The following PLD1 variants were observed in gnomAD, a reference collection of about 807,000 sequenced individuals.
PLD1 encodes the protein phospholipase D1.
In PLD1, 112 loss-of-function variants were observed where a neutral mutation model predicts 137.1. The ratio of observed to expected loss-of-function variants is 0.82; its 90% confidence interval spans 0.70 to 0.96. The LOEUF (loss-of-function observed/expected upper bound fraction) is 0.96. Among genes scored for constraint, PLD1 ranks in the 40% least tolerant of loss-of-function variants. PLD1 has a pLI of 0.00. For missense variants in PLD1, 1,321 were observed against 1,342.0 expected (o/e 0.98, Z 0.24); for synonymous variants, 431 against 454.7 (o/e 0.95, Z 0.66).
rs1347251100 is a variant in PLD1, at chr3:171,810,443, C to T, written c.-76G>A. ...CTAGCACCTGCGCGTTGGCGGCGGA[C>T]TCTCAGGGCTCGGGTGCCTCTGGCA... On this transcript the variant is annotated 5_prime_UTR_variant, in exon 1 of 27. Coordinates refer to ENST00000351298, the MANE Select transcript of PLD1 (RefSeq NM_002662.5). 2.6e-5 allele frequency: 4 copies of T among 152,246 alleles called. No homozygotes were observed. Among genetic ancestry groups the T allele is most frequent in the Non-Finnish European group, 5.9e-5 (4 of 68,082 alleles). 9.4% of individuals were successfully genotyped at this position (152,246 alleles called of 1,614,324 possible).
At chr3:171,710,403 T>C (rs549218410) in intron 9 of PLD1, among the ~76,000 whole-genome samples, 2 of 152,138 alleles carry the variant, frequency 1.3e-5, no homozygotes, top group Non-Finnish European at 2.9e-5. Flanking sequence ...CCACGGATGA[T>C]GGGGAGTAGT....
rs370348297 is a variant in PLD1 at position 171,649,110 on chromosome 3, CT to C, written c.2430-4088del. 6.0e-3 allele frequency among the ~76,000 whole-genome samples: 910 copies of C among 151,032 alleles called. 5 individuals are homozygous for C. The highest frequency in any genetic ancestry group is 0.021 in the African/African-American group (859 of 41,224). Reference sequence around the variant, plus strand: ...TTTGTAAGAGACAGTTCTATTTTATCTTTTTTTTTAAGCAAAAATGATTTTA... The same window carrying C: ...TTTGTAAGAGACAGTTCTATTTTATCTTTTTTTTAAGCAAAAATGATTTTA... On this transcript the variant is annotated intron_variant, in intron 21 of 26. Transcript: ENST00000351298.
At chr3:171,648,711 C>T (rs1370832867) in intron 21 of PLD1, among the ~76,000 whole-genome samples, 2 of 152,228 alleles carry the variant, frequency 1.3e-5, no homozygotes, top group African/African-American at 2.4e-5. Context: ...TCTGCCACCA[C>T]GCCCGGCTAA....
Position 171,702,323 on chromosome 3 carries a change from G to A in PLD1, c.1146-2497C>T, listed in dbSNP as rs987943835. Among the ~76,000 whole-genome samples, 5 of 151,828 alleles carry A rather than the reference G, an allele frequency of 3.3e-5. No individual in the cohort carries two copies. In the East Asian group the frequency reaches 7.8e-4, roughly 24 times the overall value. On this transcript the variant is annotated intron_variant, in intron 11 of 26. Transcript: ENST00000351298. ...CAACATAGCAAGACCCTGTCTCTACGAAAAAATTTAAAAAATTAGCCAGAC... is the reference window on the plus strand; with the variant it reads ...CAACATAGCAAGACCCTGTCTCTACAAAAAAATTTAAAAAATTAGCCAGAC...
intron 1 of PLD1, among the ~76,000 whole-genome samples, chr3:171,756,300 C>T (rs1721025289): frequency 6.6e-6 from 1 of 152,168 alleles, no homozygotes; most frequent in Admixed American, 6.5e-5. Context: ...GGATAAGTAA[C>T]ATCACTTTTA....
intron 21 of PLD1, among the ~76,000 whole-genome samples, chr3:171,647,818 C>G (rs1308974067): frequency 1.3e-5 from 2 of 152,124 alleles, no homozygotes; most frequent in Admixed American, 6.5e-5. Flanking sequence ...ATGATCTATT[C>G]CCAAACCTTT....
At chr3:171,805,146 T>C (rs890525097) in intron 1 of PLD1, among the ~76,000 whole-genome samples, 1 of 152,222 alleles carries the variant, frequency 6.6e-6, no homozygotes, top group East Asian at 1.9e-4. Context: ...TAAACTAAGT[T>C]ATTTTTATTT....
chr3:171,724,282 C>G (rs1234767695), intron 8 of PLD1, among the ~76,000 whole-genome samples: 1 of 152,190 alleles, frequency 6.6e-6, no homozygotes, highest in African/African-American at 2.4e-5. Flanking sequence ...AGAAAATATT[C>G]TAGTTTCTCT....
chr3:171,731,523 T>G (rs1718945568), intron 6 of PLD1, among the ~76,000 whole-genome samples: 1 of 152,158 alleles, frequency 6.6e-6, no homozygotes, highest in South Asian at 2.1e-4. Context: ...GGCTCACGCC[T>G]GTAATCTCAG....
At chr3:171,605,090 T>C (rs575630831) in intron 26 of PLD1, among the ~76,000 whole-genome samples, 1 of 152,374 alleles carries the variant, frequency 6.6e-6, no homozygotes, top group East Asian at 1.9e-4. Context: ...GGAATGCTGC[T>C]AAAGCCTCTT....
At chr3:171,645,880 T>A (rs564209556) in intron 21 of PLD1, among the ~76,000 whole-genome samples, 3 of 98,890 alleles carry the variant, frequency 3.0e-5, no homozygotes, top group East Asian at 5.7e-4. Context: ...CGAGACTCCA[T>A]CTCAAAAAAA....
intron 9 of PLD1, 35 bp downstream of exon 9, chr3:171,713,858 T>C (rs550124456): frequency 1.9e-6 from 3 of 1,559,800 alleles, no homozygotes; most frequent in Non-Finnish European, 2.6e-6. Flanking sequence ...AAGGCATTTT[T>C]GTAGAAATCT....
In PLD1 at chr3:171,708,723, C is replaced by T. The variant is rs375176281; in HGVS notation, c.1145+32G>A. On this transcript the variant is annotated intron_variant, in intron 11 of 26. Coordinates refer to ENST00000351298, the MANE Select transcript of PLD1 (RefSeq NM_002662.5). ...TGTACATTTCTAAACATAGAGACTT[C>T]CAGAAAAAAATTCCCAGGGACAAAT... The T allele has an allele frequency of 4.0e-5, 47 of 1,168,598 alleles. No individual in the cohort carries two copies. In the African/African-American group the frequency reaches 6.9e-4, roughly 17 times the overall value. The allele number at this position is 1,168,598 out of a possible 1,614,324, so 72.4% of individuals were successfully genotyped here. A position where few individuals can be genotyped will look rare whatever the true frequency, so the allele number is the denominator to read the frequency against.
chr3:171,633,562 C>T (rs1218730460), intron 23 of PLD1, among the ~76,000 whole-genome samples: 1 of 152,058 alleles, frequency 6.6e-6, no homozygotes, highest in Admixed American at 6.5e-5. Context: ...GTGCAGCAAA[C>T]CACCATGGCA....
At chr3:171,630,403 T>A (rs1734553801) in intron 23 of PLD1, among the ~76,000 whole-genome samples, 1 of 133,494 alleles carries the variant, frequency 7.5e-6, no homozygotes, top group Non-Finnish European at 1.5e-5. Flanking sequence ...GGAACACTTT[T>A]ACACTGTTGG....
At chr3:171,628,788 A>G (rs1320729839) in intron 23 of PLD1, among the ~76,000 whole-genome samples, 5 of 152,178 alleles carry the variant, frequency 3.3e-5, no homozygotes, top group Non-Finnish European at 7.3e-5. Flanking sequence ...AGATGCAGAA[A>G]AGGCCTTTGA....
intron 23 of PLD1, among the ~76,000 whole-genome samples, chr3:171,639,351 T>C (rs1477035198): frequency 1.5e-5 from 2 of 132,174 alleles, no homozygotes; most frequent in Non-Finnish European, 3.1e-5. Flanking sequence ...AAAAGATATA[T>C]ATGAATATAT....
intron 11 of PLD1, among the ~76,000 whole-genome samples, chr3:171,701,135 A>T (rs1411449345): frequency 1.3e-5 from 2 of 152,250 alleles, no homozygotes; most frequent in Non-Finnish European, 2.9e-5. Context: ...TAAAGAAAAT[A>T]AAAACCCAGA....
chr3:171,724,673 A>G (rs771014572), intron 8 of PLD1, 23 bp downstream of exon 8: 1 of 1,410,532 alleles, frequency 7.1e-7, no homozygotes, highest in Non-Finnish European at 1.0e-6. Context: ...ACAAACAAAT[A>G]CACAAAACTC....
Sources: allele counts gnomAD v4.1 joint callset (sites outside exome capture counted in the v4.1 genomes callset), GRCh38; gene constraint gnomAD v4.1.1; transcripts MANE v1.5; gene names NCBI Gene and HGNC (gene_info 2026-07-23, HGNC 2026-07-21).